Variants in BTBD6 observed in about 807,000 individuals in gnomAD.
The protein encoded by BTBD6 is BTB domain containing 6, also known as BTB/POZ domain-containing protein 6.
A neutral mutation model predicts 40.6 loss-of-function variants in BTBD6; 30 were observed. The observed-to-expected ratio is 0.74, with a 90% CI of 0.55 to 1.00. BTBD6 has a LOEUF of 1.00. Ranked by LOEUF, BTBD6 falls within the 50% of genes least tolerant of loss-of-function variation. The pLI is 0.00. For synonymous variants in BTBD6, 378 were observed against 308.7 expected, an observed-to-expected ratio of 1.22 and a Z score of -2.35; for missense variants, 698 against 694.6, an observed-to-expected ratio of 1.00 and a Z score of -0.06.
In BTBD6 at chr14:105,248,580, GGCGGGCGGGACGGCGCCCCCC is replaced by G. The variant is rs1285812983; in HGVS notation, c.-127_-107del. The G allele has an allele frequency of 1.6e-5, 14 of 878,162 alleles. No homozygotes were observed. The highest frequency in any genetic ancestry group is 1.8e-5 in the Non-Finnish European group (13 of 739,578). 54.4% of individuals were successfully genotyped at this position (878,162 alleles called of 1,614,324 possible). A position where few individuals can be genotyped will look rare whatever the true frequency, so the allele number is the denominator to read the frequency against. ...CGGCGGGTACGGGCTCGGGCGGGCGGGCGGGCGGGACGGCGCCCCCCGCGGCCGGGCCTGGCCGGGCTGCGC... is the reference window on the plus strand; with the variant it reads ...CGGCGGGTACGGGCTCGGGCGGGCGGGCGGCCGGGCCTGGCCGGGCTGCGC... On this transcript the variant is annotated 5_prime_UTR_variant, in exon 1 of 4. Transcript: ENST00000392554.
rs1050540143 is a variant in BTBD6, at chr14:105,248,598, C to T, written c.-114C>T. Reference sequence around the variant, plus strand: ...GCGGGCGGGCGGGCGGGACGGCGCCCCCCGCGGCCGGGCCTGGCCGGGCTG... The same window carrying T: ...GCGGGCGGGCGGGCGGGACGGCGCCTCCCGCGGCCGGGCCTGGCCGGGCTG... On this transcript the variant is annotated 5_prime_UTR_variant, in exon 1 of 4. Coordinates refer to ENST00000392554, the MANE Select transcript of BTBD6 (RefSeq NM_001387567.1). 2 of 966,024 alleles carry T rather than the reference C, an allele frequency of 2.1e-6. No homozygotes were observed. The highest frequency in any genetic ancestry group is 1.8e-5 in the African/African-American group (1 of 55,578). The allele number at this position is 966,024 out of a possible 1,614,324, so 59.8% of individuals were successfully genotyped here. A position where few individuals can be genotyped will look rare whatever the true frequency, so the allele number is the denominator to read the frequency against.
Position 105,249,323 on chromosome 14 carries a change from G to C in BTBD6, c.466-37G>C, listed in dbSNP as rs375678305. On this transcript the variant is annotated intron_variant, in intron 2 of 3. Transcript: ENST00000392554. Reference sequence around the variant, plus strand: ...CCGTGTGGCTGACACGCAGCCTGCGGGAGAGCCAGGCTCACGGCGGCGCTT... The same window carrying C: ...CCGTGTGGCTGACACGCAGCCTGCGCGAGAGCCAGGCTCACGGCGGCGCTT... 245 of 1,597,830 alleles carry C rather than the reference G, an allele frequency of 1.5e-4. 1 individual carries two copies. The African/African-American group carries it at 3.1e-3, about 20-fold the overall frequency.
At position 105,250,833 on chromosome 14, in the gene BTBD6, A is replaced by G; in HGVS notation, c.*161A>G. 1 of 767,930 alleles carries G rather than the reference A, an allele frequency of 1.3e-6. No homozygotes were observed. The highest frequency in any genetic ancestry group is 1.9e-5 in the South Asian group (1 of 53,086). 47.6% of individuals were successfully genotyped at this position (767,930 alleles called of 1,614,324 possible). A position where few individuals can be genotyped will look rare whatever the true frequency, so the allele number is the denominator to read the frequency against. ...TAGAGACATTTTCCACACAGCCAGA[A>G]CCCAGGGATTGGAGTCTTAGGCATC... On this transcript the variant is annotated 3_prime_UTR_variant, in exon 4 of 4. Coordinates refer to ENST00000392554, the MANE Select transcript of BTBD6 (RefSeq NM_001387567.1).
Position 105,249,447 on chromosome 14 carries a change from G to C in BTBD6, c.553G>C (p.Val185Leu), listed in dbSNP as rs759732279. 6.2e-7 allele frequency: 1 copy of C among 1,613,600 alleles called. No individual in the cohort carries two copies. The highest frequency in any genetic ancestry group is 1.3e-5 in the African/African-American group (1 of 75,058). The change falls in exon 3 of 4, where the codon GTG becomes CTG. Residue 185 changes from valine (V) to leucine (L), a missense_variant. By Grantham distance (32) the Val-to-Leu change is conservative. Coordinates refer to ENST00000392554, the MANE Select transcript of BTBD6 (RefSeq NM_001387567.1). ...CAAATCTGAAATTCACATTCCAGAC[G>C]TGGAGCCCGCAGCCTTTCTGATCCT... Reference protein sequence around the residue: ...EVKSEIHIPDVEPAAFLILLK... With the variant: ...EVKSEIHIPDLEPAAFLILLK...
chr14:105,250,083 T>C lies in BTBD6; in HGVS notation c.1028T>C (p.Leu343Pro), dbSNP rs1424472593. Residue 343 changes from leucine to proline, a missense_variant, in exon 4 of 4, where the codon CTA becomes CCA. Transcript: ENST00000392554. ...LYLVRIPTMT[L>P]EEFANGAAQS... The stretch of plus-strand genomic sequence containing the variant: ...CTGGTCCGAATTCCAACCATGACCC[T>C]AGAGGAGTTTGCCAACGGCGCTGCC... The C allele has an allele frequency of 6.2e-7, 1 of 1,612,884 alleles. No homozygotes were observed. Among genetic ancestry groups the C allele is most frequent in the East Asian group, 2.2e-5 (1 of 44,892 alleles).
Position 105,250,958 on chromosome 14 carries a change from G to A in BTBD6, c.*286G>A, listed in dbSNP as rs147788065. Reference sequence around the variant, plus strand: ...TGGCACCCATGCCACCTGCTTTGAGGGGTTGGATCTTCCTGCTACCCTCTT... The same window carrying A: ...TGGCACCCATGCCACCTGCTTTGAGAGGTTGGATCTTCCTGCTACCCTCTT... On this transcript the variant is annotated 3_prime_UTR_variant, in exon 4 of 4. Coordinates refer to ENST00000392554, the MANE Select transcript of BTBD6 (RefSeq NM_001387567.1). 9 of 410,910 alleles carry A rather than the reference G, an allele frequency of 2.2e-5. No individual in the cohort carries two copies. The East Asian group carries it at 3.3e-4, about 15-fold the overall frequency. The allele number at this position is 410,910 out of a possible 1,614,324, so 25.5% of individuals were successfully genotyped here. A position where few individuals can be genotyped will look rare whatever the true frequency, so the allele number is the denominator to read the frequency against.
chr14:105,249,370 C>G lies in BTBD6; in HGVS notation c.476C>G (p.Ala159Gly). The change falls in exon 3 of 4, where the codon GCT becomes GGT. Residue 159 changes from alanine to glycine, a missense_variant. Transcript: ENST00000392554. ...GCTTTCTCCTCCCAGTACGTCTTGG[C>G]TGTCGGCAGCTCCGTCTTCTATGCC... ...RTVPAHKYVLAVGSSVFYAMF... is the reference protein window; with the variant it reads ...RTVPAHKYVLGVGSSVFYAMF... The G allele has an allele frequency of 1.2e-6, 2 of 1,610,990 alleles. No homozygotes were observed. The highest frequency in any genetic ancestry group is 1.7e-6 in the Non-Finnish European group (2 of 1,179,288).
At position 105,250,473 on chromosome 14, in the gene BTBD6, A is replaced by C. The variant is rs769163164; in HGVS notation, c.1418A>C (p.His473Pro). ...AACACCTTCCCGGTCTGGTTTGAAC[A>C]CCCGGTCCAGGTTGAACAAGACACC... ...SSNTFPVWFE[H>P]PVQVEQDTFY... The change falls in exon 4 of 4, where the codon CAC (histidine) becomes CCC (proline). Residue 473 changes from histidine to proline, a missense_variant. Coordinates refer to ENST00000392554, the MANE Select transcript of BTBD6 (RefSeq NM_001387567.1). 6.2e-7 allele frequency: 1 copy of C among 1,613,850 alleles called. No homozygotes were observed. The highest frequency in any genetic ancestry group is 8.5e-7 in the Non-Finnish European group (1 of 1,179,986).
At position 105,250,332 on chromosome 14, in the gene BTBD6, T is replaced by G; in HGVS notation, c.1277T>G (p.Leu426Arg). The G allele has an allele frequency of 6.2e-7, 1 of 1,613,548 alleles. No individual in the cohort carries two copies. The highest frequency in any genetic ancestry group is 8.5e-7 in the Non-Finnish European group (1 of 1,180,026). ...GACAGAAGGGTATTTATTGCAGGGCTGGGCCTGTATGGCTCCAGCTCTGGG... is the reference window on the plus strand; with the variant it reads ...GACAGAAGGGTATTTATTGCAGGGCGGGGCCTGTATGGCTCCAGCTCTGGG... ...AVDRRVFIAG[L>R]GLYGSSSGKA... Residue 426 changes from leucine (L) to arginine (R), a missense_variant, in exon 4 of 4, where the codon CTG (leucine) becomes CGG (arginine). Coordinates refer to ENST00000392554, the MANE Select transcript of BTBD6 (RefSeq NM_001387567.1).
In BTBD6 at chr14:105,248,920, C is replaced by A; in HGVS notation, c.209C>A (p.Ala70Asp). 1.0e-6 allele frequency: 1 copy of A among 986,736 alleles called. No homozygotes were observed. Among genetic ancestry groups the A allele is most frequent in the South Asian group, 4.5e-5 (1 of 22,120 alleles). 61.1% of individuals were successfully genotyped at this position (986,736 alleles called of 1,614,324 possible). The change falls in exon 1 of 4, where the codon GCC becomes GAC. Residue 70 changes from alanine (A) to aspartate (D), a missense_variant. Coordinates refer to ENST00000392554, the MANE Select transcript of BTBD6 (RefSeq NM_001387567.1). ...APASAAAADL[A>D]NSNAGAAVGR... Reference sequence around the variant, plus strand: ...GCCAGCGCCGCGGCCGCGGACCTAGCCAACAGCAACGCCGGCGCCGCCGTG... The same window carrying A: ...GCCAGCGCCGCGGCCGCGGACCTAGACAACAGCAACGCCGGCGCCGCCGTG...
At chr14:105,249,306 C>A in intron 2 of BTBD6, 54 bp from the exon 3 acceptor site, 2 of 1,586,256 alleles carry the variant, frequency 1.3e-6, no homozygotes, top group Non-Finnish European at 1.7e-6. Context: ...CGCCGTGTGG[C>A]TGACACGCAG....
In BTBD6 at chr14:105,248,625, G is replaced by T. The variant is rs868300982; in HGVS notation, c.-87G>T. On this transcript the variant is annotated 5_prime_UTR_variant, in exon 1 of 4. Coordinates refer to ENST00000392554, the MANE Select transcript of BTBD6 (RefSeq NM_001387567.1). ...CCGCGGCCGGGCCTGGCCGGGCTGC[G>T]CTAGGCTGGGCTCGGGCAGGGTCGC... 1 of 978,964 alleles carries T rather than the reference G, an allele frequency of 1.0e-6. No homozygotes were observed. The allele number at this position is 978,964 out of a possible 1,614,324, so 60.6% of individuals were successfully genotyped here. A position where few individuals can be genotyped will look rare whatever the true frequency, so the allele number is the denominator to read the frequency against.
In BTBD6 at chr14:105,249,095, T is replaced by C. The variant is rs1274948212; in HGVS notation, c.374+10T>C. On this transcript the variant is annotated intron_variant, in intron 1 of 3. Coordinates refer to ENST00000392554, the MANE Select transcript of BTBD6 (RefSeq NM_001387567.1). ...CCACGCTGCGCGAGAGGTGAGCCCG[T>C]GCCCCGCGGCCCCCGCGCCCGCGCG... The C allele has an allele frequency of 2.0e-6, 3 of 1,484,234 alleles. 1 individual carries two copies. The East Asian group carries it at 8.2e-5, about 41-fold the overall frequency. 91.9% of individuals were successfully genotyped at this position (1,484,234 alleles called of 1,614,324 possible).
Position 105,250,225 on chromosome 14 carries a change from G to T in BTBD6, c.1170G>T (p.Arg390Ser). The change falls in exon 4 of 4, where the codon AGG becomes AGT. Residue 390 changes from arginine (R) to serine (S), a missense_variant. Coordinates refer to ENST00000392554, the MANE Select transcript of BTBD6 (RefSeq NM_001387567.1). ...AGAGGAAGGGCCTCGCCCCGCAGAG[G>T]TGCCACCGATTCCAGTCTTCTGCCT... ...LTKRKGLAPQ[R>S]CHRFQSSAYR... 1 of 1,612,956 alleles carries T rather than the reference G, an allele frequency of 6.2e-7. No homozygotes were observed. The highest frequency in any genetic ancestry group is 8.5e-7 in the Non-Finnish European group (1 of 1,180,042).
chr14:105,250,786 A>C lies in BTBD6; in HGVS notation c.*114A>C. 2 of 1,118,602 alleles carry C rather than the reference A, an allele frequency of 1.8e-6. No homozygotes were observed. The highest frequency in any genetic ancestry group is 5.1e-5 in the East Asian group (2 of 39,062). 69.3% of individuals were successfully genotyped at this position (1,118,602 alleles called of 1,614,324 possible). A position where few individuals can be genotyped will look rare whatever the true frequency, so the allele number is the denominator to read the frequency against. ...TTAACTTTGTCTCTCTTTGACATGT[A>C]GTCAGCTGAAGCTTGACTGTGTAGA... On this transcript the variant is annotated 3_prime_UTR_variant, in exon 4 of 4. Coordinates refer to ENST00000392554, the MANE Select transcript of BTBD6 (RefSeq NM_001387567.1).
At position 105,248,889 on chromosome 14, in the gene BTBD6, G is replaced by A. The variant is rs2055357364; in HGVS notation, c.178G>A (p.Ala60Thr). 6.1e-6 allele frequency: 6 copies of A among 987,146 alleles called. No individual in the cohort carries two copies. Among genetic ancestry groups the A allele is most frequent in the Non-Finnish European group, 7.2e-6 (6 of 832,990 alleles). 61.1% of individuals were successfully genotyped at this position (987,146 alleles called of 1,614,324 possible). ...PPAKMAAELY[A>T]PASAAAADLA... ...CGCGAAGATGGCGGCGGAACTCTAC[G>A]CTCCCGCCAGCGCCGCGGCCGCGGA... The change falls in exon 1 of 4, where the codon GCT becomes ACT. Residue 60 changes from alanine to threonine, a missense_variant. Physicochemically the swap from Ala to Thr is moderately conservative, Grantham distance 58. Coordinates refer to ENST00000392554, the MANE Select transcript of BTBD6 (RefSeq NM_001387567.1).
intron 3 of BTBD6, 43 bp from the exon 4 acceptor site, chr14:105,249,597 G>A (rs2055456892): frequency 1.3e-6 from 2 of 1,588,900 alleles, no homozygotes; most frequent in South Asian, 2.3e-5. Flanking sequence ...CCCGCGATGG[G>A]TGCTTGGGAG....
rs866693308 is a variant in BTBD6 at position 105,250,798 on chromosome 14, C to T, written c.*126C>T. On this transcript the variant is annotated 3_prime_UTR_variant, in exon 4 of 4. Coordinates refer to ENST00000392554, the MANE Select transcript of BTBD6 (RefSeq NM_001387567.1). ...CTCTTTGACATGTAGTCAGCTGAAG[C>T]TTGACTGTGTAGAGACATTTTCCAC... 1.2e-5 allele frequency: 12 copies of T among 1,034,260 alleles called. No homozygotes were observed. The highest frequency in any genetic ancestry group is 6.5e-4 in the Middle Eastern group (2 of 3,084). 64.1% of individuals were successfully genotyped at this position (1,034,260 alleles called of 1,614,324 possible).
chr14:105,250,400 G>A lies in BTBD6; in HGVS notation c.1345G>A (p.Val449Met). 6.2e-7 allele frequency: 1 copy of A among 1,613,902 alleles called. No individual in the cohort carries two copies. ...GAAGATTGAGCTCAAGCGGCTCGGG[G>A]TGGTTCTGGCTCAGAACTTGACCAA... Reference protein sequence around the residue: ...SVKIELKRLGVVLAQNLTKFM... With the variant: ...SVKIELKRLGMVLAQNLTKFM... Residue 449 changes from valine to methionine, a missense_variant, in exon 4 of 4, where the codon GTG (valine) becomes ATG (methionine). By Grantham distance (21) the Val-to-Met change is conservative (BLOSUM62 1). Transcript: ENST00000392554.
Sources: allele counts gnomAD v4.1 joint callset, GRCh38; gene constraint gnomAD v4.1.1; transcripts MANE v1.5; gene names NCBI Gene and HGNC (gene_info 2026-07-23, HGNC 2026-07-21).